The following KIAA1549 variants were observed in gnomAD, a reference collection of about 807,000 sequenced individuals.
KIAA1549 encodes the protein KIAA1549.
A neutral mutation model predicts 156.4 loss-of-function variants in KIAA1549; 70 were observed. The observed-to-expected ratio is 0.45, with a 90% CI of 0.37 to 0.55. The LOEUF (loss-of-function observed/expected upper bound fraction) is 0.55. Ranked by LOEUF, KIAA1549 falls within the 20% of genes least tolerant of loss-of-function variation. The pLI, the probability that KIAA1549 is intolerant of heterozygous loss-of-function variation, is 0.00. For missense variants in KIAA1549, 2,428 were observed against 2,540.9 expected (o/e 0.96, Z 0.96); for synonymous variants, 1,103 against 1,066.4 (o/e 1.03, Z -0.67).
At chr7:138,856,348 A>G (rs1810391512) in intron 16 of KIAA1549, among the ~76,000 whole-genome samples, 2 of 152,022 alleles carry the variant, frequency 1.3e-5, no homozygotes, top group South Asian at 4.2e-4. Flanking sequence ...ATCCAGATTC[A>G]TCTCATCCCC....
In KIAA1549 at chr7:138,881,599, C is replaced by A; in HGVS notation, c.4033-15G>T. The A allele has an allele frequency of 6.2e-7, 1 of 1,602,872 alleles. No homozygotes were observed. The highest frequency in any genetic ancestry group is 8.5e-7 in the Non-Finnish European group (1 of 1,172,960). On this transcript the variant is annotated splice_polypyrimidine_tract_variant and intron_variant, in intron 10 of 19. Transcript: ENST00000422774. ...GGGATCTGCAGCTGAAACATACACA[C>A]ACACAAACAAGATTGTTAACCCGGA...
chr7:138,962,047 G>A (rs1384404487), intron 1 of KIAA1549, among the ~76,000 whole-genome samples: 1 of 152,126 alleles, frequency 6.6e-6, no homozygotes, highest in Non-Finnish European at 1.5e-5. Flanking sequence ...AGGATGCACT[G>A]GAGTGTGAAT....
At chr7:138,925,303 G>A (rs1812680952) in intron 1 of KIAA1549, among the ~76,000 whole-genome samples, 1 of 151,908 alleles carries the variant, frequency 6.6e-6, no homozygotes, top group Non-Finnish European at 1.5e-5. Flanking sequence ...CTGAACCATA[G>A]TAGTCAATCA....
intron 11 of KIAA1549, among the ~76,000 whole-genome samples, chr7:138,880,114 T>G (rs1038362468): frequency 6.6e-6 from 1 of 152,220 alleles, no homozygotes; most frequent in Non-Finnish European, 1.5e-5. Flanking sequence ...GTGCTTACAC[T>G]GAGATCTGAT....
chr7:138,841,061 A>C (rs1809901895), intron 18 of KIAA1549, among the ~76,000 whole-genome samples: 1 of 152,132 alleles, frequency 6.6e-6, no homozygotes, highest in Non-Finnish European at 1.5e-5. Context: ...GCTAGACATT[A>C]GGACTGGGGA....
intron 15 of KIAA1549, among the ~76,000 whole-genome samples, chr7:138,866,490 C>T (rs1318421378): frequency 6.6e-6 from 1 of 152,174 alleles, no homozygotes; most frequent in East Asian, 1.9e-4. Context: ...TTTTTGCTAA[C>T]GTGTCTCTAA....
chr7:138,964,949 TTTTC>T (rs1186345026), intron 1 of KIAA1549, among the ~76,000 whole-genome samples: 6 of 148,262 alleles, frequency 4.0e-5, no homozygotes, highest in Non-Finnish European at 8.9e-5. Flanking sequence ...GCAGTGTTTT[TTTTC>T]TTTGTTTTTT....
intron 1 of KIAA1549, among the ~76,000 whole-genome samples, chr7:138,975,598 C>A (rs932213943): frequency 2.6e-5 from 4 of 152,134 alleles, no homozygotes; most frequent in African/African-American, 9.7e-5. Flanking sequence ...GTAACTTGTC[C>A]ATAGTCACAA....
chr7:138,897,892 CA>C (rs59242488), intron 9 of KIAA1549, among the ~76,000 whole-genome samples: 185 of 27,486 alleles, frequency 6.7e-3, no homozygotes, highest in East Asian at 0.031. Flanking sequence ...GACCCTTTCT[CA>C]AAAAAAAAAA....
At chr7:138,907,619 T>C (rs1812044270) in intron 5 of KIAA1549, among the ~76,000 whole-genome samples, 1 of 152,120 alleles carries the variant, frequency 6.6e-6, no homozygotes, top group Admixed American at 6.5e-5. Flanking sequence ...TGGTAATCAG[T>C]ATAATTAATT....
intron 8 of KIAA1549, among the ~76,000 whole-genome samples, chr7:138,900,227 C>T (rs557204443): frequency 6.6e-6 from 1 of 152,338 alleles, no homozygotes; most frequent in East Asian, 1.9e-4. Context: ...TGAACTCCTT[C>T]TTCCAGATCG....
chr7:138,863,564 T>C lies in KIAA1549; in HGVS notation c.4930-2108A>G, dbSNP rs180791257. On this transcript the variant is annotated intron_variant, in intron 15 of 19. Transcript: ENST00000422774. Reference sequence around the variant, plus strand: ...AGGTTTTGCTTGGCCTACACACTCTTTTAATTGATAGCCATTATTTTAAAC... The same window carrying C: ...AGGTTTTGCTTGGCCTACACACTCTCTTAATTGATAGCCATTATTTTAAAC... Among the ~76,000 whole-genome samples the C allele has an allele frequency of 2.0e-5, 3 of 152,252 alleles. No homozygotes were observed. In the East Asian group the frequency reaches 5.8e-4, roughly 29 times the overall value.
At chr7:138,868,217 A>AG (rs1810811901) in intron 14 of KIAA1549, 89 bp from the exon 15 acceptor site, 1 of 1,284,028 alleles carries the variant, frequency 7.8e-7, no homozygotes, top group Admixed American at 2.0e-5. Context: ...CTGAGTACCT[A>AG]GGATGTGCTA....
At chr7:138,938,150 A>G (rs1433894147) in intron 1 of KIAA1549, among the ~76,000 whole-genome samples, 1 of 152,190 alleles carries the variant, frequency 6.6e-6, no homozygotes, top group African/African-American at 2.4e-5. Flanking sequence ...GAGCTCCTAT[A>G]TGAGGACACA....
intron 1 of KIAA1549, among the ~76,000 whole-genome samples, chr7:138,923,703 A>G (rs1045452806): frequency 3.9e-5 from 6 of 152,236 alleles, no homozygotes; most frequent in African/African-American, 1.4e-4. Context: ...TACAAAAGAC[A>G]TATTATATGG....
At chr7:138,964,948 TTTTTC>T (rs1421722933) in intron 1 of KIAA1549, among the ~76,000 whole-genome samples, 3 of 149,642 alleles carry the variant, frequency 2.0e-5, no homozygotes, top group African/African-American at 5.1e-5. Flanking sequence ...AGCAGTGTTT[TTTTTC>T]TTTGTTTTTT....
chr7:138,879,657 C>A lies in KIAA1549; in HGVS notation c.4230-4G>T. The A allele has an allele frequency of 3.4e-6, 5 of 1,490,782 alleles. No homozygotes were observed. Among genetic ancestry groups the A allele is most frequent in the East Asian group, 2.5e-5 (1 of 40,658 alleles). 92.3% of individuals were successfully genotyped at this position (1,490,782 alleles called of 1,614,324 possible). ...GTCAGCATCTGAGGGAGAAACTCTGCAGACACAAAATGAATTGCAAACATT... is the reference window on the plus strand; with the variant it reads ...GTCAGCATCTGAGGGAGAAACTCTGAAGACACAAAATGAATTGCAAACATT... On this transcript the variant is annotated splice_region_variant and splice_polypyrimidine_tract_variant and intron_variant, in intron 11 of 19. Coordinates refer to ENST00000422774, the MANE Select transcript of KIAA1549 (RefSeq NM_001164665.2).
At chr7:138,938,144 T>G (rs1813072017) in intron 1 of KIAA1549, among the ~76,000 whole-genome samples, 1 of 151,886 alleles carries the variant, frequency 6.6e-6, no homozygotes. Flanking sequence ...CAGAGAGAGC[T>G]CCTATATGAG....
At chr7:138,956,639 C>A (rs1399327763) in intron 1 of KIAA1549, among the ~76,000 whole-genome samples, 4 of 152,182 alleles carry the variant, frequency 2.6e-5, no homozygotes, top group African/African-American at 9.7e-5. Context: ...TCACCTTCTG[C>A]CATGATTGTG....
Sources: gnomAD v4.1 joint callset for allele counts (sites outside exome capture counted in the v4.1 genomes callset) on GRCh38, gnomAD v4.1.1 for gene constraint, MANE v1.5 for transcripts, NCBI Gene and HGNC (gene_info 2026-07-23, HGNC 2026-07-21) for gene names.